ASTN2: variants seen among roughly 807,000 people sequenced by gnomAD.
ASTN2 encodes astrotactin 2, also known as astrotactin-2.
Under a neutral mutation model 139.8 loss-of-function variants are expected in ASTN2, and 54 were observed. The ratio of observed to expected loss-of-function variants is 0.39; its 90% CI spans 0.31 to 0.48. The LOEUF is 0.48. Ranked by LOEUF, ASTN2 falls within the 20% of genes least tolerant of loss-of-function variation. The pLI, the probability that ASTN2 is intolerant of heterozygous loss-of-function variation, is 0.95. For missense variants in ASTN2, 1,565 were observed against 1,725.1 expected, an observed-to-expected ratio of 0.91 and a Z score of 1.64; for synonymous variants, 756 against 719.5, an observed-to-expected ratio of 1.05 and a Z score of -0.81.
intron 2 of ASTN2, among the ~76,000 whole-genome samples, chr9:117,226,374 A>C (rs564215912): frequency 6.6e-6 from 1 of 152,306 alleles, no homozygotes; most frequent in South Asian, 2.1e-4. Context: ...ACATTTCATC[A>C]CTGAAATAGA....
chr9:117,139,120 G>A (rs1042996867), intron 4 of ASTN2, among the ~76,000 whole-genome samples: 1 of 152,168 alleles, frequency 6.6e-6, no homozygotes, highest in Non-Finnish European at 1.5e-5. Context: ...GGACTTAGGA[G>A]GGGGATTTCT....
chr9:117,203,746 C>T (rs1408259301), intron 3 of ASTN2, among the ~76,000 whole-genome samples: 1 of 152,158 alleles, frequency 6.6e-6, no homozygotes, highest in African/African-American at 2.4e-5. Context: ...TCTGGGACCT[C>T]TGACCTTGAG....
intron 1 of ASTN2, among the ~76,000 whole-genome samples, chr9:117,361,555 A>G (rs996275392): frequency 1.3e-5 from 2 of 152,198 alleles, no homozygotes; most frequent in African/African-American, 4.8e-5. Flanking sequence ...ACATTGAGTA[A>G]TGAAAAGCAG....
At chr9:116,431,941 A>C (rs1328677384) in intron 22 of ASTN2, among the ~76,000 whole-genome samples, 1 of 152,232 alleles carries the variant, frequency 6.6e-6, no homozygotes, top group Non-Finnish European at 1.5e-5. Flanking sequence ...AAAGTCCTCT[A>C]AATTTAGAAA....
intron 10 of ASTN2, among the ~76,000 whole-genome samples, chr9:116,876,180 T>G (rs1833290347): frequency 6.6e-6 from 1 of 152,166 alleles, no homozygotes; most frequent in Non-Finnish European, 1.5e-5. Flanking sequence ...AAGAAGTTGA[T>G]TCCAACCCTC....
chr9:116,969,467 A>T (rs576447750), intron 10 of ASTN2, among the ~76,000 whole-genome samples: 46 of 152,302 alleles, frequency 3.0e-4, no homozygotes, highest in Admixed American at 2.9e-3. Flanking sequence ...CCATTGGGAA[A>T]GGGGGCATCT....
intron 19 of ASTN2, among the ~76,000 whole-genome samples, chr9:116,518,296 T>C (rs1850732439): frequency 6.6e-6 from 1 of 152,112 alleles, no homozygotes; most frequent in Non-Finnish European, 1.5e-5. Flanking sequence ...CCTATCAGAT[T>C]AAGAGCATAT....
intron 3 of ASTN2, among the ~76,000 whole-genome samples, chr9:117,184,655 G>A (rs899284301): frequency 6.6e-6 from 1 of 152,126 alleles, no homozygotes; most frequent in Non-Finnish European, 1.5e-5. Flanking sequence ...TCTTTTCCTG[G>A]TTTTTCTAAT....
At chr9:116,729,607 T>G (rs1828725000) in intron 14 of ASTN2, among the ~76,000 whole-genome samples, 1 of 152,236 alleles carries the variant, frequency 6.6e-6, no homozygotes, top group Non-Finnish European at 1.5e-5. Context: ...GACAGCAGAG[T>G]TGAGCAGTTG....
At chr9:116,674,994 C>A (rs803900) in intron 16 of ASTN2, among the ~76,000 whole-genome samples, 3 of 152,172 alleles carry the variant, frequency 2.0e-5, no homozygotes, top group Non-Finnish European at 4.4e-5. Context: ...CTTGATGAAT[C>A]GGCTCTGTCT....
At chr9:117,192,504 T>C (rs1831376613) in intron 3 of ASTN2, among the ~76,000 whole-genome samples, 1 of 152,136 alleles carries the variant, frequency 6.6e-6, no homozygotes. Flanking sequence ...AGATGAAAAT[T>C]AAATAGAAAT....
intron 4 of ASTN2, among the ~76,000 whole-genome samples, chr9:117,130,174 T>G (rs1275847051): frequency 6.6e-6 from 1 of 152,048 alleles, no homozygotes; most frequent in African/African-American, 2.4e-5. Flanking sequence ...CTGGGCATAG[T>G]GGCATGCACT....
intron 20 of ASTN2, among the ~76,000 whole-genome samples, chr9:116,486,815 G>C (rs1849353804): frequency 6.6e-6 from 1 of 152,148 alleles, no homozygotes; most frequent in African/African-American, 2.4e-5. Context: ...AAGTTTGAAT[G>C]CAGTGACTCC....
At chr9:117,203,998 C>T (rs909009012) in intron 3 of ASTN2, among the ~76,000 whole-genome samples, 2 of 152,194 alleles carry the variant, frequency 1.3e-5, no homozygotes, top group South Asian at 2.1e-4. Context: ...GGCCACCACA[C>T]TCCCCAGGGG....
intron 20 of ASTN2, among the ~76,000 whole-genome samples, chr9:116,479,847 T>C (rs12342059): frequency 0.017 from 2,629 of 152,282 alleles, 74 homozygotes; most frequent in African/African-American, 0.06. Context: ...GTCATTTCTA[T>C]ATGCCCAACT....
Position 117,098,790 on chromosome 9 carries a change from A to G in ASTN2, c.1169-2639T>C, listed in dbSNP as rs557980413. ...AATATTTTACTGTTAAAAAAAAAAA[A>G]AAGAAGAAGAAAGAACAAAGAAAAG... On this transcript the variant is annotated intron_variant, in intron 4 of 22. Transcript: ENST00000313400. 1.6e-3 allele frequency among the ~76,000 whole-genome samples: 246 copies of G among 151,752 alleles called. 3 individuals carry two copies. The highest frequency in any genetic ancestry group is 5.6e-3 in the African/African-American group (234 of 41,434).
chr9:116,430,055 C>T (rs560159247), intron 22 of ASTN2, among the ~76,000 whole-genome samples: 1 of 152,284 alleles, frequency 6.6e-6, no homozygotes, highest in African/African-American at 2.4e-5. Context: ...TCAGACCAGG[C>T]AGACTCTTCC....
chr9:116,436,576 G>C (rs1312256103), intron 22 of ASTN2, among the ~76,000 whole-genome samples: 1 of 152,146 alleles, frequency 6.6e-6, no homozygotes, highest in East Asian at 1.9e-4. Context: ...AGCAATATAA[G>C]ATTCTAAATC....
intron 10 of ASTN2, among the ~76,000 whole-genome samples, chr9:116,934,593 A>AC (rs1835010335): frequency 6.6e-6 from 1 of 152,134 alleles, no homozygotes. Flanking sequence ...AGAGGGGAAA[A>AC]ACACACACTG....
Sources: allele counts gnomAD v4.1 joint callset (sites outside exome capture counted in the v4.1 genomes callset), GRCh38; gene constraint gnomAD v4.1.1; transcripts MANE v1.5; gene names NCBI Gene and HGNC (gene_info 2026-07-23, HGNC 2026-07-21).